The following SUGCT variants were observed in gnomAD, a reference collection of about 807,000 sequenced individuals.
SUGCT encodes succinyl-CoA:glutarate-CoA transferase.
In SUGCT, 41 loss-of-function variants were observed where a neutral mutation model predicts 55.0. The ratio of observed to expected loss-of-function variants is 0.74; its 90% CI spans 0.58 to 0.97. SUGCT has a LOEUF of 0.97. SUGCT is among the 50% of genes least tolerant of loss of function. The probability of loss-of-function intolerance (pLI) is 0.00; values close to 1 mark genes in which losing one functional copy is unlikely to be tolerated. For synonymous variants in SUGCT, 187 were observed against 200.4 expected (o/e 0.93, Z 0.56); for missense variants, 568 against 547.8 (o/e 1.04, Z -0.37).
At chr7:40,891,118 A>G in the SUGCT span, among the ~76,000 whole-genome samples, 662 of 151,600 alleles carry the variant, frequency 4.4e-3, 36 homozygotes, top group South Asian at 0.12. Context: ...CAAGTAGAGG[A>G]AAAAAAAAGA....
At chr7:40,858,066 C>G (rs1036365400) in intron 13 of SUGCT, among the ~76,000 whole-genome samples, 9 of 152,084 alleles carry the variant, frequency 5.9e-5, no homozygotes, top group Non-Finnish European at 1.5e-5. Context: ...CTTCAATGTC[C>G]TAATCTGGAA....
chr7:40,801,231 A>G (rs1390494815), intron 13 of SUGCT, among the ~76,000 whole-genome samples: 1 of 152,220 alleles, frequency 6.6e-6, no homozygotes, highest in Non-Finnish European at 1.5e-5. Flanking sequence ...CATACACATG[A>G]GCCATCCGGG....
intron 13 of SUGCT, among the ~76,000 whole-genome samples, chr7:40,759,357 G>A (rs1273078569): frequency 3.9e-5 from 6 of 152,114 alleles, no homozygotes; most frequent in South Asian, 4.2e-4. Flanking sequence ...TGAGAGGAGG[G>A]AATGTAAGTA....
At chr7:40,777,238 C>A (rs996913771) in intron 13 of SUGCT, among the ~76,000 whole-genome samples, 1 of 152,128 alleles carries the variant, frequency 6.6e-6, no homozygotes. Context: ...ATATTAGTTT[C>A]TAGGTTTTGA....
chr7:40,983,366 T>C, the SUGCT span, among the ~76,000 whole-genome samples: 1 of 152,216 alleles, frequency 6.6e-6, no homozygotes, highest in African/African-American at 2.4e-5. Flanking sequence ...TATTACTTTC[T>C]TTCTCTCCCC....
chr7:40,390,370 G>A (rs1420634983), intron 9 of SUGCT, among the ~76,000 whole-genome samples: 1 of 152,194 alleles, frequency 6.6e-6, no homozygotes, highest in African/African-American at 2.4e-5. Context: ...TGACATGACT[G>A]TATATTTAGA....
intron 6 of SUGCT, among the ~76,000 whole-genome samples, chr7:40,195,402 T>C (rs1018511889): frequency 2.6e-5 from 4 of 151,890 alleles, no homozygotes; most frequent in African/African-American, 7.3e-5. Context: ...TTTGTATTTT[T>C]AGTAGAGACG....
chr7:40,218,492 G>T (rs1787807380), intron 6 of SUGCT, among the ~76,000 whole-genome samples: 1 of 152,174 alleles, frequency 6.6e-6, no homozygotes, highest in African/African-American at 2.4e-5. Context: ...TCTGGGTCGG[G>T]TGAGGACTTG....
the SUGCT span, among the ~76,000 whole-genome samples, chr7:40,973,619 C>G: frequency 6.6e-6 from 1 of 152,190 alleles, no homozygotes; most frequent in African/African-American, 2.4e-5. Context: ...GGATAGGACG[C>G]TGGTGCATGC....
Position 40,243,901 on chromosome 7 carries a change from G to C in SUGCT, c.576+6175G>C, listed in dbSNP as rs141186690. On this transcript the variant is annotated intron_variant, in intron 7 of 13. Transcript: ENST00000335693. ...ACTTGATGATGTATAGGCAGAGTGC[G>C]GTGGCTCACGCCTATAATTCCAGCA... 4.0e-3 allele frequency among the ~76,000 whole-genome samples: 606 copies of C among 152,270 alleles called. 5 individuals are homozygous for C. Among genetic ancestry groups the C allele is most frequent in the African/African-American group, 0.014 (586 of 41,556 alleles).
At chr7:40,203,539 C>T (rs1357414544) in intron 6 of SUGCT, among the ~76,000 whole-genome samples, 1 of 152,060 alleles carries the variant, frequency 6.6e-6, no homozygotes, top group East Asian at 1.9e-4. Context: ...CTTTGGGAGG[C>T]CGAAGTGGGT....
At chr7:40,551,583 T>TC (rs1190702033) in intron 12 of SUGCT, among the ~76,000 whole-genome samples, 1 of 152,160 alleles carries the variant, frequency 6.6e-6, no homozygotes, top group Non-Finnish European at 1.5e-5. Flanking sequence ...CTGAAGTGTA[T>TC]CCATCATTCA....
intron 13 of SUGCT, among the ~76,000 whole-genome samples, chr7:40,787,648 A>G (rs1384630798): frequency 2.1e-5 from 3 of 142,094 alleles, no homozygotes; most frequent in Non-Finnish European, 4.5e-5. Context: ...CTGGTAACCA[A>G]GAAATTTTGA....
intron 12 of SUGCT, among the ~76,000 whole-genome samples, chr7:40,516,999 G>T (rs1476154065): frequency 1.3e-5 from 2 of 151,804 alleles, no homozygotes; most frequent in Non-Finnish European, 2.9e-5. Context: ...TTCTTTAATT[G>T]CTTCCAAAAA....
intron 13 of SUGCT, among the ~76,000 whole-genome samples, chr7:40,826,286 A>G (rs1792306293): frequency 6.6e-6 from 1 of 152,194 alleles, no homozygotes; most frequent in South Asian, 2.1e-4. Flanking sequence ...TTTAGGGCAA[A>G]GCATTTAGTA....
chr7:40,288,724 T>A (rs1428038250), intron 8 of SUGCT, among the ~76,000 whole-genome samples: 3 of 152,118 alleles, frequency 2.0e-5, no homozygotes, highest in Non-Finnish European at 2.9e-5. Flanking sequence ...TATATTTTAT[T>A]CAACCAAATA....
intron 8 of SUGCT, among the ~76,000 whole-genome samples, chr7:40,287,630 T>G (rs1793440861): frequency 1.3e-5 from 2 of 152,060 alleles, no homozygotes; most frequent in African/African-American, 4.8e-5. Context: ...CTGAGTGGCT[T>G]GGACTACACG....
chr7:40,498,060 T>A (rs1239585217), intron 12 of SUGCT, among the ~76,000 whole-genome samples: 1 of 152,140 alleles, frequency 6.6e-6, no homozygotes, highest in Non-Finnish European at 1.5e-5. Context: ...GCATCTCAAT[T>A]CTTCTGGAAC....
chr7:40,324,244 A>ATATATATATATATATATATATATATAT (rs1562681042), intron 9 of SUGCT, among the ~76,000 whole-genome samples: 3 of 98,444 alleles, frequency 3.0e-5, no homozygotes, highest in Admixed American at 1.1e-4. Flanking sequence ...TAAATAAATA[A>ATATATATATATATATATATATATATAT]ATAAATAAAT....
Sources: gnomAD v4.1 joint callset for allele counts (sites outside exome capture counted in the v4.1 genomes callset) on GRCh38, gnomAD v4.1.1 for gene constraint, MANE v1.5 for transcripts, NCBI Gene and HGNC (gene_info 2026-07-23, HGNC 2026-07-21) for gene names.